Variants in ADCK5 observed in about 807,000 individuals in gnomAD.
ADCK5 encodes uncharacterized aarF domain-containing protein kinase 5.
A neutral mutation model predicts 64.9 loss-of-function variants in ADCK5; 43 were observed. That is an observed-to-expected ratio of 0.66 (90% CI 0.52 to 0.85). The LOEUF (loss-of-function observed/expected upper bound fraction) is 0.85, where lower values mean the gene tolerates loss of function less well. Among genes scored for constraint, ADCK5 ranks in the 40% least tolerant of loss-of-function variants. The pLI, the probability that ADCK5 is intolerant of heterozygous loss-of-function variation, is 0.00. For missense variants in ADCK5, 760 were observed against 810.5 expected (o/e 0.94, Z 0.76); for synonymous variants, 434 against 342.8 (o/e 1.27, Z -2.94).
Position 144,391,879 on chromosome 8 carries a change from G to A in ADCK5, c.1014+13G>A, listed in dbSNP as rs1554860805. 3 of 1,596,666 alleles carry A rather than the reference G, an allele frequency of 1.9e-6. No homozygotes were observed. Among genetic ancestry groups the A allele is most frequent in the Middle Eastern group, 2.2e-4 (1 of 4,458 alleles). ...GGCAGTGCATGACGTGAGTGCGGGGGGGCGGGGGCGGGTCAGGGCGGGCTG... is the reference window on the plus strand; with the variant it reads ...GGCAGTGCATGACGTGAGTGCGGGGAGGCGGGGGCGGGTCAGGGCGGGCTG... On this transcript the variant is annotated intron_variant, in intron 9 of 14. Transcript: ENST00000308860.
chr8:144,390,760 C>T lies in ADCK5; in HGVS notation c.342+14C>T. 6.2e-7 allele frequency: 1 copy of T among 1,612,818 alleles called. No homozygotes were observed. The highest frequency in any genetic ancestry group is 2.2e-5 in the East Asian group (1 of 44,836). ...GGGGTGGAAGAGGTTTGTCCTGGTG[C>T]CCTGGGCACACAGTGGTGGGCATGA... On this transcript the variant is annotated intron_variant, in intron 4 of 14. Transcript: ENST00000308860.
chr8:144,392,417 C>CTCCCTCCT (rs1820313744), intron 12 of ADCK5, 28 bp from the exon 13 acceptor site: 1 of 1,317,068 alleles, frequency 7.6e-7, no homozygotes, highest in African/African-American at 1.8e-5. Flanking sequence ...TCAGAGCCCC[C>CTCCCTCCT]TCCCTCCCTC....
chr8:144,389,648 C>T (rs1490135401), intron 3 of ADCK5, among the ~76,000 whole-genome samples: 1 of 152,090 alleles, frequency 6.6e-6, no homozygotes, highest in Non-Finnish European at 1.5e-5. Context: ...TCTCCTGCCT[C>T]AGCCTCCTGA....
chr8:144,383,626 T>G (rs987644552), intron 3 of ADCK5, among the ~76,000 whole-genome samples: 1 of 152,194 alleles, frequency 6.6e-6, no homozygotes, highest in Non-Finnish European at 1.5e-5. Flanking sequence ...TTCCAAGGTT[T>G]GGGCCTGGGA....
chr8:144,388,497 G>T (rs559632319), intron 3 of ADCK5, among the ~76,000 whole-genome samples: 16 of 151,594 alleles, frequency 1.1e-4, no homozygotes, highest in South Asian at 2.1e-4. Flanking sequence ...GGGCACGGTG[G>T]CTCACGCCTG....
chr8:144,379,078 C>T (rs782370972), intron 1 of ADCK5, among the ~76,000 whole-genome samples: 5 of 151,816 alleles, frequency 3.3e-5, no homozygotes, highest in African/African-American at 4.8e-5. Flanking sequence ...GGATTACGTA[C>T]ATGCACCACT....
intron 2 of ADCK5, among the ~76,000 whole-genome samples, chr8:144,382,006 G>A (rs1310634037): frequency 1.5e-5 from 2 of 132,542 alleles, no homozygotes; most frequent in African/African-American, 3.3e-5. Flanking sequence ...GCTGCACTCA[G>A]GATTATGGGC....
intron 2 of ADCK5, 151 bp downstream of exon 2, chr8:144,379,641 A>G (rs559274510): frequency 3.1e-6 from 2 of 649,004 alleles, no homozygotes; most frequent in East Asian, 3.1e-5. Flanking sequence ...AGTGCGGTGC[A>G]CTGGGACCAA....
chr8:144,377,855 A>G (rs1819432032), intron 1 of ADCK5, among the ~76,000 whole-genome samples: 1 of 152,202 alleles, frequency 6.6e-6, no homozygotes. Context: ...ATGGCTGGGC[A>G]CTGTTGCCAC....
chr8:144,391,776 T>A lies in ADCK5; in HGVS notation c.931-7T>A. ...GCCTGCTGAGCCCAGCCTCTTGCTCTCCCCAGCGCGTGCTCACTGCCGACT... is the reference window on the plus strand; with the variant it reads ...GCCTGCTGAGCCCAGCCTCTTGCTCACCCCAGCGCGTGCTCACTGCCGACT... On this transcript the variant is annotated splice_polypyrimidine_tract_variant and splice_region_variant and intron_variant, in intron 8 of 14. Transcript: ENST00000308860. The A allele has an allele frequency of 6.5e-7, 1 of 1,542,204 alleles. No homozygotes were observed. Among genetic ancestry groups the A allele is most frequent in the Non-Finnish European group, 8.7e-7 (1 of 1,150,356 alleles).
At position 144,384,183 on chromosome 8, in the gene ADCK5, G is replaced by A. The variant is rs1017749665; in HGVS notation, c.266+953G>A. Among the ~76,000 whole-genome samples the A allele has an allele frequency of 2.0e-5, 3 of 152,096 alleles. No homozygotes were observed. The highest frequency in any genetic ancestry group is 2.9e-5 in the Non-Finnish European group (2 of 68,016). ...CCGCCTCGGCCTCCCAAAGTGCTGGGATGACAGGCGTGAGTCACCGTGCCC... is the reference window on the plus strand; with the variant it reads ...CCGCCTCGGCCTCCCAAAGTGCTGGAATGACAGGCGTGAGTCACCGTGCCC... On this transcript the variant is annotated intron_variant, in intron 3 of 14. Transcript: ENST00000308860. The surrounding 1 kb of genome is among the most constrained non-coding windows in gnomAD (Gnocchi z 5.7).
chr8:144,390,534 G>A (rs1554860157), intron 3 of ADCK5, 137 bp from the exon 4 acceptor site: 2 of 911,292 alleles, frequency 2.2e-6, no homozygotes, highest in Non-Finnish European at 3.4e-6. Context: ...CTGTAGGCTG[G>A]ACCCTGGCTT....
chr8:144,378,935 CTT>C (rs138817440), intron 1 of ADCK5, among the ~76,000 whole-genome samples: 3 of 143,046 alleles, frequency 2.1e-5, no homozygotes, highest in Non-Finnish European at 4.6e-5. Context: ...TTGGGTAGTT[CTT>C]TTTTTTTTTT....
chr8:144,392,523 G>C lies in ADCK5; in HGVS notation c.1346G>C (p.Arg449Pro). The C allele has an allele frequency of 1.9e-6, 3 of 1,549,180 alleles. No individual in the cohort carries two copies. The highest frequency in any genetic ancestry group is 2.4e-5 in the East Asian group (1 of 41,520). Reference protein sequence around the residue: ...GQLWGSHLLSREEAAYMVDMA... With the variant: ...GQLWGSHLLSPEEAAYMVDMA... ...CTGTGGGGCTCGCACCTACTGAGCC[G>C]CGAAGAGGCGGCCTACATGGTGGAC... Residue 449 changes from arginine (R) to proline (P), a missense_variant, in exon 13 of 15, where the codon CGC becomes CCC. Around this residue, in one of 2 missense-constraint regions of ADCK5, gnomAD observed 333 missense variants for 292.0 expected, o/e 1.14. Transcript: ENST00000308860.
At chr8:144,381,294 G>A (rs1554858169) in intron 2 of ADCK5, among the ~76,000 whole-genome samples, 1 of 145,126 alleles carries the variant, frequency 6.9e-6, no homozygotes, top group Admixed American at 6.9e-5. Context: ...TCAGGCCCCT[G>A]CTGCACTCAG....
rs1182211444 is a variant in ADCK5 at position 144,391,435 on chromosome 8, G to A, written c.759G>A (p.Glu253=). 1.9e-6 allele frequency: 3 copies of A among 1,612,454 alleles called. No individual in the cohort carries two copies. The highest frequency in any genetic ancestry group is 1.7e-5 in the Admixed American group (1 of 59,954). The change falls in exon 7 of 15, where the codon GAG becomes GAA. Residue 253 remains glutamate (E), a synonymous_variant. Coordinates refer to ENST00000308860, the MANE Select transcript of ADCK5 (RefSeq NM_174922.5). The part of the protein sequence containing the change: ...HTLELLLRLV[E]VMHPSFGFSW... ...TGGAGCTCCTGCTGCGGCTCGTTGA[G>A]GTCATGCACCCCAGCTTTGGCTTCA...
Position 144,391,175 on chromosome 8 carries a change from C to G in ADCK5, c.585C>G (p.His195Gln), listed in dbSNP as rs1019245183. ...TTGAGGACTTCCAGGCCCTCCCCCACGAGCTCTTCCAGGAGTTTGACTACC... is the reference window on the plus strand; with the variant it reads ...TTGAGGACTTCCAGGCCCTCCCCCAGGAGCTCTTCCAGGAGTTTGACTACC... ...LFLEDFQALP[H>Q]ELFQEFDYQP... The change falls in exon 6 of 15, where the codon CAC becomes CAG. Residue 195 changes from histidine (H) to glutamine (Q), a missense_variant. Transcript: ENST00000308860. 5.0e-6 allele frequency: 8 copies of G among 1,612,006 alleles called. No homozygotes were observed. Among genetic ancestry groups the G allele is most frequent in the East Asian group, 2.2e-5 (1 of 44,878 alleles).
intron 1 of ADCK5, among the ~76,000 whole-genome samples, chr8:144,375,964 G>A (rs973540978): frequency 2.0e-5 from 3 of 152,198 alleles, no homozygotes; most frequent in Non-Finnish European, 2.9e-5. Context: ...TGTGTGTCAC[G>A]TGAGAATTGC....
rs1554860932 is a variant in ADCK5, at chr8:144,392,082, G to A, written c.1097-10G>A. ...TGGGCGCAGCGCGACCTAAGAGGCT[G>A]TATCCCTAGTTCTGGTGCGGAAAGG... On this transcript the variant is annotated splice_polypyrimidine_tract_variant and intron_variant, in intron 10 of 14. Coordinates refer to ENST00000308860, the MANE Select transcript of ADCK5 (RefSeq NM_174922.5). 4 of 1,612,308 alleles carry A rather than the reference G, an allele frequency of 2.5e-6. No individual in the cohort carries two copies. The South Asian group carries it at 4.4e-5, about 18-fold the overall frequency.
Sources: gnomAD v4.1 joint callset for allele counts (sites outside exome capture counted in the v4.1 genomes callset) on GRCh38, gnomAD v4.1.1 for gene constraint, gnomAD v4.1.1 regional missense constraint, Gnocchi (gnomAD v3.1) non-coding constraint, MANE v1.5 for transcripts, NCBI Gene and HGNC (gene_info 2026-07-23, HGNC 2026-07-21) for gene names.